Variants in NRXN1 observed in about 807,000 individuals in gnomAD.
NRXN1 encodes the protein neurexin-1.
In NRXN1, 39 loss-of-function variants were observed where a neutral mutation model predicts 150.9. The observed-to-expected ratio is 0.26, with a 90% CI of 0.20 to 0.34. The LOEUF (loss-of-function observed/expected upper bound fraction) is 0.34. Ranked by LOEUF, NRXN1 falls within the 10% of genes least tolerant of loss-of-function variation. The probability of loss-of-function intolerance (pLI) is 1.00; values close to 1 mark genes in which losing one functional copy is unlikely to be tolerated. For synonymous variants in NRXN1, 924 were observed against 757.0 expected (o/e 1.22, Z -3.62); for missense variants, 1,815 against 1,949.9 (o/e 0.93, Z 1.30).
At chr2:50,801,612 A>T (rs953742554) in intron 5 of NRXN1, among the ~76,000 whole-genome samples, 12 of 152,204 alleles carry the variant, frequency 7.9e-5, no homozygotes, top group African/African-American at 2.7e-4. Context: ...CTCCCAAAAT[A>T]TGCACAAAAA....
At position 50,610,642 on chromosome 2, in the gene NRXN1, CATATAT is replaced by C. The variant is rs71404969; in HGVS notation, c.1320+9374_1320+9379del. Among the ~76,000 whole-genome samples the C allele has an allele frequency of 8.2e-3, 353 of 42,872 alleles. 16 individuals are homozygous for C. The highest frequency in any genetic ancestry group is 0.018 in the South Asian group (18 of 996). 28.1% of individuals were successfully genotyped at this position (42,872 alleles called of 152,430 possible). On this transcript the variant is annotated intron_variant, in intron 8 of 22. Transcript: ENST00000401669. ...GCCTGGCACATACTATAAATAGATACATATATATATATATATATATATATATATATA... is the reference window on the plus strand; with the variant it reads ...GCCTGGCACATACTATAAATAGATACATATATATATATATATATATATATA...
chr2:50,902,567 T>C (rs1683106461), intron 5 of NRXN1, among the ~76,000 whole-genome samples: 1 of 152,176 alleles, frequency 6.6e-6, no homozygotes, highest in South Asian at 2.1e-4. Flanking sequence ...GCACTGGATG[T>C]ATTGAGAAAC....
chr2:50,526,609 C>G (rs1483537007), intron 12 of NRXN1: 1 of 152,194 alleles, frequency 6.6e-6, no homozygotes, highest in East Asian at 1.9e-4. Context: ...TCCTCCCTTT[C>G]CTCAAAGGTG....
chr2:50,466,514 C>CA (rs1420392943), intron 16 of NRXN1: 1 of 462,552 alleles, frequency 2.2e-6, no homozygotes, highest in Non-Finnish European at 4.4e-6. Flanking sequence ...AAAAAAAAAG[C>CA]AAAATATATT....
chr2:49,958,590 T>C (rs1308530519), intron 21 of NRXN1, among the ~76,000 whole-genome samples: 1 of 152,180 alleles, frequency 6.6e-6, no homozygotes. Flanking sequence ...AAGAAACCTA[T>C]TCAACATAAA....
At chr2:50,335,323 G>T (rs80179613) in intron 17 of NRXN1, among the ~76,000 whole-genome samples, 1 of 152,040 alleles carries the variant, frequency 6.6e-6, no homozygotes, top group Non-Finnish European at 1.5e-5. Context: ...TAAGGTATAC[G>T]CATCAAAATG....
intron 5 of NRXN1, among the ~76,000 whole-genome samples, chr2:50,865,727 G>A (rs1185415986): frequency 1.8e-5 from 2 of 112,712 alleles, no homozygotes; most frequent in African/African-American, 7.0e-5. Flanking sequence ...GTAATTACCA[G>A]TAAACATTTG....
At chr2:50,384,622 A>G (rs533253579) in intron 17 of NRXN1, among the ~76,000 whole-genome samples, 17 of 151,592 alleles carry the variant, frequency 1.1e-4, no homozygotes, top group South Asian at 2.1e-4. Flanking sequence ...GTCTGTAGGT[A>G]GTACTCTTTC....
At chr2:49,963,411 A>G (rs979840703) in intron 21 of NRXN1, among the ~76,000 whole-genome samples, 44 of 152,328 alleles carry the variant, frequency 2.9e-4, no homozygotes, top group Admixed American at 2.7e-3. Context: ...ATAACTAAGC[A>G]AGAGAATGAG....
chr2:50,645,293 A>G (rs1208352335), intron 5 of NRXN1, among the ~76,000 whole-genome samples: 2 of 151,970 alleles, frequency 1.3e-5, no homozygotes, highest in South Asian at 2.1e-4. Flanking sequence ...CCAGAAAATC[A>G]GTGTTTTTCT....
At chr2:50,856,444 A>C (rs1385231567) in intron 5 of NRXN1, among the ~76,000 whole-genome samples, 1 of 152,036 alleles carries the variant, frequency 6.6e-6, no homozygotes, top group Non-Finnish European at 1.5e-5. Context: ...TTTCCCTTTC[A>C]ACTTACTTGT....
chr2:50,776,383 C>G (rs937357746), intron 5 of NRXN1, among the ~76,000 whole-genome samples: 7 of 151,862 alleles, frequency 4.6e-5, no homozygotes, highest in African/African-American at 9.7e-5. Flanking sequence ...CAAGAATGTA[C>G]AAAGGAAGGG....
intron 8 of NRXN1, among the ~76,000 whole-genome samples, chr2:50,586,860 A>G (rs961335262): frequency 1.3e-5 from 2 of 152,222 alleles, no homozygotes; most frequent in Non-Finnish European, 2.9e-5. Flanking sequence ...TTCCTGTTAT[A>G]GTAATTAGCT....
chr2:50,357,269 A>G (rs1474319285), intron 17 of NRXN1, among the ~76,000 whole-genome samples: 1 of 151,790 alleles, frequency 6.6e-6, no homozygotes, highest in African/African-American at 2.4e-5. Flanking sequence ...ATCTCTACAT[A>G]AACAAATAAA....
intron 2 of NRXN1, among the ~76,000 whole-genome samples, chr2:50,967,124 C>G (rs1221151248): frequency 1.3e-5 from 2 of 151,892 alleles, no homozygotes; most frequent in African/African-American, 2.4e-5. Flanking sequence ...AATTTCTCCT[C>G]CATAATATCT....
intron 21 of NRXN1, among the ~76,000 whole-genome samples, chr2:49,994,666 A>G (rs1682624261): frequency 6.6e-6 from 1 of 152,214 alleles, no homozygotes; most frequent in Non-Finnish European, 1.5e-5. Flanking sequence ...ACAAAGACAG[A>G]ACATGGTCAT....
chr2:50,179,576 G>A (rs1403344417), intron 18 of NRXN1, among the ~76,000 whole-genome samples: 1 of 152,058 alleles, frequency 6.6e-6, no homozygotes, highest in East Asian at 1.9e-4. Flanking sequence ...CATGCACAAA[G>A]GCACTAATCA....
intron 5 of NRXN1, among the ~76,000 whole-genome samples, chr2:50,920,366 G>A (rs1025850148): frequency 6.6e-6 from 1 of 151,784 alleles, no homozygotes; most frequent in South Asian, 2.1e-4. Flanking sequence ...TATCAGCTGA[G>A]TATAAACATG....
chr2:50,637,663 T>C (rs531412998), intron 5 of NRXN1: 2 of 152,344 alleles, frequency 1.3e-5, no homozygotes, highest in Admixed American at 6.5e-5. Flanking sequence ...CTTGAGGTAA[T>C]TCTTTTCAGG....
Sources: gnomAD v4.1 joint callset for allele counts (sites outside exome capture counted in the v4.1 genomes callset) on GRCh38, gnomAD v4.1.1 for gene constraint, MANE v1.5 for transcripts, NCBI Gene and HGNC (gene_info 2026-07-23, HGNC 2026-07-21) for gene names.